Variants in RELL2 observed in about 807,000 individuals in gnomAD.
RELL2 encodes RELT-like protein 2.
RELL2 carries 18 observed loss-of-function variants against 27.5 expected under a neutral mutation model. The ratio of observed to expected loss-of-function variants is 0.65; its 90% CI spans 0.45 to 0.97. RELL2 has a LOEUF of 0.97. Ranked by LOEUF, RELL2 falls within the 50% of genes least tolerant of loss-of-function variation. RELL2 has a pLI of 0.00. For missense variants in RELL2, 370 were observed against 397.5 expected (o/e 0.93, Z 0.59); for synonymous variants, 156 against 147.5 (o/e 1.06, Z -0.42).
Position 141,638,194 on chromosome 5 carries a change from C to A in RELL2, c.-32C>A, listed in dbSNP as rs370536809. The A allele has an allele frequency of 1.4e-5, 22 of 1,569,292 alleles. No individual in the cohort carries two copies. In the African/African-American group the frequency reaches 2.4e-4, roughly 17 times the overall value. The stretch of plus-strand genomic sequence containing the variant: ...GCTGCAGCCCCCTAAACCCAGGAGG[C>A]GCCCTGGCCCGCGCTCGCCCCCCAG... On this transcript the variant is annotated 5_prime_UTR_variant, in exon 1 of 7. Transcript: ENST00000297164.
Position 141,639,387 on chromosome 5 carries a change from T to C in RELL2, c.318-77T>C. Reference sequence around the variant, plus strand: ...GGGGCTTCTGGGGTTTTAAGGAGCATGCTGAAAGAACGTAAGAAACAAAAC... The same window carrying C: ...GGGGCTTCTGGGGTTTTAAGGAGCACGCTGAAAGAACGTAAGAAACAAAAC... On this transcript the variant is annotated intron_variant, in intron 3 of 6. Transcript: ENST00000297164. The surrounding 1 kb of genome is among the most constrained non-coding windows in gnomAD (Gnocchi z 4.4). 7.8e-7 allele frequency: 1 copy of C among 1,275,468 alleles called. No individual in the cohort carries two copies. Among genetic ancestry groups the C allele is most frequent in the Non-Finnish European group, 1.1e-6 (1 of 916,534 alleles). The allele number at this position is 1,275,468 out of a possible 1,614,324, so 79.0% of individuals were successfully genotyped here. A position where few individuals can be genotyped will look rare whatever the true frequency, so the allele number is the denominator to read the frequency against.
At chr5:141,638,434 G>C in intron 1 of RELL2, 25 bp downstream of exon 1, 1 of 1,587,790 alleles carries the variant, frequency 6.3e-7, no homozygotes, top group Non-Finnish European at 8.5e-7. Context: ...TGGAACCCTG[G>C]CTCAGTCACC....
chr5:141,640,783 C>A lies in RELL2; in HGVS notation c.*114C>A. The A allele has an allele frequency of 9.7e-7, 1 of 1,028,388 alleles. No individual in the cohort carries two copies. Among genetic ancestry groups the A allele is most frequent in the Non-Finnish European group, 1.4e-6 (1 of 716,210 alleles). The allele number at this position is 1,028,388 out of a possible 1,614,324, so 63.7% of individuals were successfully genotyped here. On this transcript the variant is annotated 3_prime_UTR_variant, in exon 7 of 7. Transcript: ENST00000297164. ...CCCCCCAGCTGAGGGACCAGCTCTA[C>A]TTCCACCTGGAGTTGCACAGTCTCA...
At position 141,639,766 on chromosome 5, in the gene RELL2, C is replaced by T. The variant is rs2099906611; in HGVS notation, c.503+117C>T. 2.3e-6 allele frequency: 3 copies of T among 1,284,872 alleles called. No homozygotes were observed. The highest frequency in any genetic ancestry group is 3.3e-6 in the Non-Finnish European group (3 of 915,848). The allele number at this position is 1,284,872 out of a possible 1,614,324, so 79.6% of individuals were successfully genotyped here. A position where few individuals can be genotyped will look rare whatever the true frequency, so the allele number is the denominator to read the frequency against. ...CTGGACTGGGAGCTCCGGCAGAAGT[C>T]AGGCTACACAATGTGCCCCACAATC... On this transcript the variant is annotated intron_variant, in intron 4 of 6. Coordinates refer to ENST00000297164, the MANE Select transcript of RELL2 (RefSeq NM_173828.5). The surrounding 1 kb of genome is among the most constrained non-coding windows in gnomAD (Gnocchi z 4.4).
In RELL2 at chr5:141,640,151, C is replaced by T; in HGVS notation, c.735C>T (p.Ser245=). The T allele has an allele frequency of 6.2e-7, 1 of 1,614,156 alleles. No homozygotes were observed. Among genetic ancestry groups the T allele is most frequent in the Non-Finnish European group, 8.5e-7 (1 of 1,180,010 alleles). The change falls in exon 5 of 7, where the codon AGC becomes AGT. Residue 245 remains serine (S), a synonymous_variant. Coordinates refer to ENST00000297164, the MANE Select transcript of RELL2 (RefSeq NM_173828.5). ...TACAGAATGGAGGACTCAGGGACAGCAGCCTAACCCCTCGTGCACTTGAAG... is the reference window on the plus strand; with the variant it reads ...TACAGAATGGAGGACTCAGGGACAGTAGCCTAACCCCTCGTGCACTTGAAG... The part of the protein sequence containing the change: ...PPVQNGGLRD[S]SLTPRALEGN...
rs763581454 is a variant in RELL2, at chr5:141,640,431, C to T, written c.899C>T (p.Ala300Val). The T allele has an allele frequency of 1.9e-6, 3 of 1,614,042 alleles. No individual in the cohort carries two copies. Among genetic ancestry groups the T allele is most frequent in the Non-Finnish European group, 2.5e-6 (3 of 1,180,006 alleles). Residue 300 changes from alanine (A) to valine (V), a missense_variant, in exon 6 of 7, where the codon GCA (alanine) becomes GTA (valine). Ala to Val is a moderately conservative substitution (Grantham distance 64, BLOSUM62 0). Coordinates refer to ENST00000297164, the MANE Select transcript of RELL2 (RefSeq NM_173828.5). The part of the protein sequence containing the change: ...SDHQVSLPQG[A>V]GSM Reference sequence around the variant, plus strand: ...TCTCAGGTGTCTCTACCACAGGGAGCAGGGAGTATGTGAGGTGAGTCTGCC... The same window carrying T: ...TCTCAGGTGTCTCTACCACAGGGAGTAGGGAGTATGTGAGGTGAGTCTGCC...
Position 141,640,034 on chromosome 5 carries a change from G to C in RELL2, c.618G>C (p.Gly206=). 6.2e-7 allele frequency: 1 copy of C among 1,613,584 alleles called. No individual in the cohort carries two copies. Among genetic ancestry groups the C allele is most frequent in the South Asian group, 1.1e-5 (1 of 91,080 alleles). ...GGGQDPGGGQ[G]SGGGQPKAGM... ...GACAGGACCCAGGGGGTGGTCAGGG[G>C]TCTGGGGGAGGGCAGCCCAAGGCAG... is the stretch of plus-strand genomic sequence containing the variant. The change falls in exon 5 of 7, where the codon GGG becomes GGC. Residue 206 remains glycine (G), a synonymous_variant. Transcript: ENST00000297164.
In RELL2 at chr5:141,639,984, G is replaced by A. The variant is rs1231979470; in HGVS notation, c.568G>A (p.Asp190Asn). The change falls in exon 5 of 7, where the codon GAC (aspartate) becomes AAC (asparagine). Residue 190 changes from aspartate (D) to asparagine (N), a missense_variant. Transcript: ENST00000297164. This position sits in a 1 kb window ranked among gnomAD's most constrained non-coding sequence, Gnocchi z 4.4. ...CGAACACCGTGATGGCTCCCCCACAGACAGGAGCTGGGGCTCTGGTGGGGG... is the reference window on the plus strand; with the variant it reads ...CGAACACCGTGATGGCTCCCCCACAAACAGGAGCTGGGGCTCTGGTGGGGG... The part of the protein sequence containing the change: ...LHEHRDGSPT[D>N]RSWGSGGGQD... 4 of 1,613,714 alleles carry A rather than the reference G, an allele frequency of 2.5e-6. No homozygotes were observed. The highest frequency in any genetic ancestry group is 2.2e-5 in the East Asian group (1 of 44,884).
chr5:141,638,406 C>T lies in RELL2; in HGVS notation c.181C>T (p.Pro61Ser). ...GSEPDDAQLQ[P>S]PEDDDMNEDT... is the part of the protein sequence containing the mutation. The stretch of plus-strand genomic sequence containing the variant: ...TGAGCCTGACGATGCCCAGCTTCAG[C>T]CCCGTGAGTGAGGAGCCTGGAACCC... The change falls in exon 1 of 7, where the codon CCC becomes TCC. Residue 61 changes from proline to serine, a missense_variant. Coordinates refer to ENST00000297164, the MANE Select transcript of RELL2 (RefSeq NM_173828.5). The T allele has an allele frequency of 6.2e-7, 1 of 1,607,948 alleles. No homozygotes were observed. The highest frequency in any genetic ancestry group is 8.5e-7 in the Non-Finnish European group (1 of 1,178,482).
In RELL2 at chr5:141,638,294, G is replaced by C. The variant is rs1195071690; in HGVS notation, c.69G>C (p.Leu23=). Residue 23 remains leucine, a synonymous_variant, in exon 1 of 7, where the codon CTG becomes CTC. Transcript: ENST00000297164. ...HGLYMLFLLV[L]VFFLMGLVGF... is the part of the protein sequence containing the mutation. ...TATATATGCTCTTCCTGCTTGTGCTGGTCTTCTTCCTCATGGGCCTGGTAG... is the reference window on the plus strand; with the variant it reads ...TATATATGCTCTTCCTGCTTGTGCTCGTCTTCTTCCTCATGGGCCTGGTAG... The C allele has an allele frequency of 6.2e-7, 1 of 1,613,974 alleles. No individual in the cohort carries two copies. The highest frequency in any genetic ancestry group is 8.5e-7 in the Non-Finnish European group (1 of 1,179,968).
At chr5:141,638,887 C>G (rs11741647) in intron 2 of RELL2, 27 bp downstream of exon 2, 224,306 of 1,612,782 alleles carry the variant, frequency 0.14, 16,023 homozygotes, top group South Asian at 0.19. Context: ...CCCTTGCTCC[C>G]TCTTCTCCAA....
In RELL2 at chr5:141,639,451, C is replaced by G; in HGVS notation, c.318-13C>G. On this transcript the variant is annotated splice_polypyrimidine_tract_variant and intron_variant, in intron 3 of 6. Transcript: ENST00000297164. This position sits in a 1 kb window ranked among gnomAD's most constrained non-coding sequence, Gnocchi z 4.4. ...GAAATGTTACCCTCACTCCCCTCCTCCCTGCTGTCCAGTGTGGATGCCACC... is the reference window on the plus strand; with the variant it reads ...GAAATGTTACCCTCACTCCCCTCCTGCCTGCTGTCCAGTGTGGATGCCACC... 1 of 1,590,286 alleles carries G rather than the reference C, an allele frequency of 6.3e-7. No individual in the cohort carries two copies. Among genetic ancestry groups the G allele is most frequent in the Non-Finnish European group, 8.6e-7 (1 of 1,165,340 alleles).
Position 141,639,372 on chromosome 5 carries a change from G to A in RELL2, c.318-92G>A. 9.4e-7 allele frequency: 1 copy of A among 1,062,494 alleles called. No individual in the cohort carries two copies. The highest frequency in any genetic ancestry group is 1.4e-6 in the Non-Finnish European group (1 of 737,122). The allele number at this position is 1,062,494 out of a possible 1,614,324, so 65.8% of individuals were successfully genotyped here. A position where few individuals can be genotyped will look rare whatever the true frequency, so the allele number is the denominator to read the frequency against. ...GGGCTTGGGGAAATTGGGGCTTCTGGGGTTTTAAGGAGCATGCTGAAAGAA... is the reference window on the plus strand; with the variant it reads ...GGGCTTGGGGAAATTGGGGCTTCTGAGGTTTTAAGGAGCATGCTGAAAGAA... On this transcript the variant is annotated intron_variant, in intron 3 of 6. Coordinates refer to ENST00000297164, the MANE Select transcript of RELL2 (RefSeq NM_173828.5). This position sits in a 1 kb window ranked among gnomAD's most constrained non-coding sequence, Gnocchi z 4.4.
chr5:141,638,088 G>C lies in RELL2; in HGVS notation c.-138G>C. 1.5e-6 allele frequency: 1 copy of C among 654,230 alleles called. No homozygotes were observed. 40.5% of individuals were successfully genotyped at this position (654,230 alleles called of 1,614,324 possible). A position where few individuals can be genotyped will look rare whatever the true frequency, so the allele number is the denominator to read the frequency against. On this transcript the variant is annotated 5_prime_UTR_variant, in exon 1 of 7. Transcript: ENST00000297164. Reference sequence around the variant, plus strand: ...ACAGCTCCCTGGTTGGGTAGGGGGTGGGGCCGGACCTCAGCCGGACGTCTT... The same window carrying C: ...ACAGCTCCCTGGTTGGGTAGGGGGTCGGGCCGGACCTCAGCCGGACGTCTT...
In RELL2 at chr5:141,640,287, G is replaced by A. The variant is rs2099906687; in HGVS notation, c.871G>A (p.Asp291Asn). 1 of 1,613,852 alleles carries A rather than the reference G, an allele frequency of 6.2e-7. No homozygotes were observed. The highest frequency in any genetic ancestry group is 8.5e-7 in the Non-Finnish European group (1 of 1,179,860). The change falls in exon 5 of 7, where the codon GAT (aspartate) becomes AAT (asparagine). Residue 291 changes from aspartate (D) to asparagine (N), a missense_variant. Transcript: ENST00000297164. ...GCAGCCAAGCAAACCAGACACTTCT[G>A]ATCACCAGGTAGGAAAACACAGCCG... ...NGQPSKPDTS[D>N]HQVSLPQGAG...
At position 141,639,972 on chromosome 5, in the gene RELL2, G is replaced by A; in HGVS notation, c.556G>A (p.Gly186Ser). The part of the protein sequence containing the change: ...KRYGLHEHRD[G>S]SPTDRSWGSG... ...CTATGGACTGCACGAACACCGTGAT[G>A]GCTCCCCCACAGACAGGAGCTGGGG... The change falls in exon 5 of 7, where the codon GGC (glycine) becomes AGC (serine). Residue 186 changes from glycine (G) to serine (S), a missense_variant. Physicochemically the swap from Gly to Ser is moderately conservative, Grantham distance 56. Transcript: ENST00000297164. The surrounding 1 kb of genome is among the most constrained non-coding windows in gnomAD (Gnocchi z 4.4). 1.2e-6 allele frequency: 2 copies of A among 1,613,984 alleles called. No individual in the cohort carries two copies. Among genetic ancestry groups the A allele is most frequent in the Non-Finnish European group, 1.7e-6 (2 of 1,179,992 alleles).
At chr5:141,638,769 C>T (rs767029003) in intron 1 of RELL2, 26 bp from the exon 2 acceptor site, 3 of 1,607,828 alleles carry the variant, frequency 1.9e-6, no homozygotes, top group Non-Finnish European at 2.6e-6. Flanking sequence ...ATTCCTGCTT[C>T]CTTGCCAATC....
At position 141,640,411 on chromosome 5, in the gene RELL2, G is replaced by C. The variant is rs2099906715; in HGVS notation, c.880-1G>C. 1 of 1,614,166 alleles carries C rather than the reference G, an allele frequency of 6.2e-7. No homozygotes were observed. The highest frequency in any genetic ancestry group is 8.5e-7 in the Non-Finnish European group (1 of 1,180,012). ...TTGTTGACCCCTCCCCTTTCTCTCA[G>C]GTGTCTCTACCACAGGGAGCAGGGA... is the stretch of plus-strand genomic sequence containing the variant. On this transcript the variant is annotated splice_acceptor_variant, in intron 5 of 6. Transcript: ENST00000297164. LOFTEE classifies it high-confidence loss of function.
In RELL2 at chr5:141,639,686, AG is replaced by A. The variant is rs1197689606; in HGVS notation, c.503+42del. On this transcript the variant is annotated intron_variant, in intron 4 of 6. Coordinates refer to ENST00000297164, the MANE Select transcript of RELL2 (RefSeq NM_173828.5). The surrounding 1 kb of genome is among the most constrained non-coding windows in gnomAD (Gnocchi z 4.4). The stretch of plus-strand genomic sequence containing the variant: ...GCTCCAGGGAAAGGGGGGCTGAGGT[AG>A]GGGGCCCAGTGATCAGGCACCTGAT... 2 of 1,559,358 alleles carry A rather than the reference AG, an allele frequency of 1.3e-6. No homozygotes were observed. Among genetic ancestry groups the A allele is most frequent in the East Asian group, 2.3e-5 (1 of 44,348 alleles).
Sources: gnomAD v4.1 joint callset for allele counts on GRCh38, gnomAD v4.1.1 for gene constraint, Gnocchi (gnomAD v3.1) non-coding constraint, MANE v1.5 for transcripts, NCBI Gene and HGNC (gene_info 2026-07-23, HGNC 2026-07-21) for gene names.